ASXL3: variants seen among roughly 807,000 people sequenced by gnomAD.
The protein encoded by ASXL3 is putative Polycomb group protein ASXL3.
In ASXL3, 34 loss-of-function variants were observed where a neutral mutation model predicts 170.6. The observed-to-expected ratio is 0.20, with a 90% CI of 0.15 to 0.27. The LOEUF (loss-of-function observed/expected upper bound fraction) is 0.27, where lower values mean the gene tolerates loss of function less well. Ranked by LOEUF, ASXL3 falls within the 10% of genes least tolerant of loss-of-function variation. The pLI, the probability that ASXL3 is intolerant of heterozygous loss-of-function variation, is 1.00. For missense variants in ASXL3, 2,592 were observed against 2,695.3 expected, an observed-to-expected ratio of 0.96 and a Z score of 0.85; for synonymous variants, 1,002 against 989.1, an observed-to-expected ratio of 1.01 and a Z score of -0.24.
intron 2 of ASXL3, among the ~76,000 whole-genome samples, chr18:33,617,220 A>C (rs2065438257): frequency 6.6e-6 from 1 of 152,132 alleles, no homozygotes; most frequent in African/African-American, 2.4e-5. Context: ...GACTGGGTGC[A>C]GTGGCTCACA....
chr18:33,660,135 A>G (rs1773500509), intron 4 of ASXL3, among the ~76,000 whole-genome samples: 1 of 152,126 alleles, frequency 6.6e-6, no homozygotes, highest in Admixed American at 6.6e-5. Flanking sequence ...CATTGGCCCT[A>G]TGACCATGGG....
chr18:33,665,122 G>C (rs1013566595), intron 5 of ASXL3, among the ~76,000 whole-genome samples: 1 of 152,046 alleles, frequency 6.6e-6, no homozygotes, highest in African/African-American at 2.4e-5. Flanking sequence ...TTAAATTTTG[G>C]AAATTTTAAA....
rs1432459460 is a variant in ASXL3 at position 33,743,392 on chromosome 18, C to G, written c.3544C>G (p.Leu1182Val). The G allele has an allele frequency of 6.2e-7, 1 of 1,613,216 alleles. No individual in the cohort carries two copies. Among genetic ancestry groups the G allele is most frequent in the Non-Finnish European group, 8.5e-7 (1 of 1,179,862 alleles). ...CCACCTCCGGGAGACCACCACTGTA[C>G]TACAGCAGTCTCTTAACCCAAGTAA... ...SAHLRETTTV[L>V]QQSLNPSKLP... Residue 1182 changes from leucine (L) to valine (V), a missense_variant, in exon 12 of 12, where the codon CTA becomes GTA. Coordinates refer to ENST00000269197, the MANE Select transcript of ASXL3 (RefSeq NM_030632.3).
In ASXL3 at chr18:33,683,522, A is replaced by T; in HGVS notation, c.833A>T (p.His278Leu). The change falls in exon 8 of 12, where the codon CAT (histidine) becomes CTT (leucine). Residue 278 changes from histidine to leucine, a missense_variant. His to Leu is a moderately conservative substitution (Grantham distance 99). Coordinates refer to ENST00000269197, the MANE Select transcript of ASXL3 (RefSeq NM_030632.3). ...CATACGTTTGCTTCCTTACCTCAGCATTTTCAACAATACCTCCTGCTTTTG... is the reference window on the plus strand; with the variant it reads ...CATACGTTTGCTTCCTTACCTCAGCTTTTTCAACAATACCTCCTGCTTTTG... ...NKHTFASLPQ[H>L]FQQYLLLLLP... 1 of 1,613,550 alleles carries T rather than the reference A, an allele frequency of 6.2e-7. No individual in the cohort carries two copies. The highest frequency in any genetic ancestry group is 8.5e-7 in the Non-Finnish European group (1 of 1,179,694).
At chr18:33,719,153 G>T (rs1357492061) in intron 8 of ASXL3, among the ~76,000 whole-genome samples, 3 of 151,968 alleles carry the variant, frequency 2.0e-5, no homozygotes, top group African/African-American at 4.8e-5. Flanking sequence ...CAATCTTGAT[G>T]CCACACAGTC....
chr18:33,715,340 T>C (rs1464911261), intron 8 of ASXL3, among the ~76,000 whole-genome samples: 2 of 152,212 alleles, frequency 1.3e-5, no homozygotes, highest in East Asian at 3.9e-4. Context: ...TTCTTTACAC[T>C]CTAAAGCCAA....
intron 1 of ASXL3, among the ~76,000 whole-genome samples, chr18:33,596,152 G>T (rs912608530): frequency 1.3e-5 from 2 of 151,908 alleles, no homozygotes; most frequent in Admixed American, 1.3e-4. Context: ...CTAGAAACAG[G>T]GTAGGCAGCG....
At chr18:33,713,009 G>T (rs2067093787) in intron 8 of ASXL3, among the ~76,000 whole-genome samples, 1 of 151,922 alleles carries the variant, frequency 6.6e-6, no homozygotes, top group African/African-American at 2.4e-5. Flanking sequence ...TAAATGACTG[G>T]CTATACACTA....
At chr18:33,604,900 G>A (rs183597633) in intron 1 of ASXL3, among the ~76,000 whole-genome samples, 94 of 152,064 alleles carry the variant, frequency 6.2e-4, no homozygotes, top group African/African-American at 2.2e-3. Flanking sequence ...ACTGTGGGGA[G>A]GAGGGGGCAG....
chr18:33,743,241 T>C lies in ASXL3; in HGVS notation c.3393T>C (p.Pro1131=), dbSNP rs895569374. The C allele has an allele frequency of 1.2e-6, 2 of 1,613,942 alleles. No individual in the cohort carries two copies. The highest frequency in any genetic ancestry group is 2.2e-5 in the East Asian group (1 of 44,880). ...CCTCTAAAGAGACCCGGTTGCCTCC[T>C]CCGCTCAGCTCAAAGGAAGGGCCTC... The part of the protein sequence containing the change: ...FQTSKETRLP[P]PLSSKEGPPN... The change falls in exon 12 of 12, where the codon CCT becomes CCC. Residue 1131 remains proline, a synonymous_variant. Coordinates refer to ENST00000269197, the MANE Select transcript of ASXL3 (RefSeq NM_030632.3).
rs1156369080 is a variant in ASXL3, at chr18:33,738,639, C to T, written c.1235C>T (p.Ala412Val). Reference sequence around the variant, plus strand: ...CAGCCAAAAAGCATGAAAAGCCCAGCTTCTCCAGAGCCTGGTTTCTGTGCT... The same window carrying T: ...CAGCCAAAAAGCATGAAAAGCCCAGTTTCTCCAGAGCCTGGTTTCTGTGCT... The part of the protein sequence containing the change: ...EQQPKSMKSP[A>V]SPEPGFCATL... The change falls in exon 11 of 12, where the codon GCT becomes GTT. Residue 412 changes from alanine (A) to valine (V), a missense_variant. This residue lies in a region of ASXL3 where 2,246 missense variants were observed against 2,219.6 expected (regional missense o/e 1.01). Transcript: ENST00000269197. 6.2e-7 allele frequency: 1 copy of T among 1,613,940 alleles called. No homozygotes were observed. The highest frequency in any genetic ancestry group is 8.5e-7 in the Non-Finnish European group (1 of 1,179,870).
intron 1 of ASXL3, among the ~76,000 whole-genome samples, chr18:33,584,264 G>T (rs542239148): frequency 4.0e-5 from 6 of 151,892 alleles, no homozygotes; most frequent in South Asian, 2.1e-4. Context: ...AGAAGACTTG[G>T]GGGGGCATAG....
At chr18:33,588,844 T>C (rs1419371241) in intron 1 of ASXL3, among the ~76,000 whole-genome samples, 5 of 152,146 alleles carry the variant, frequency 3.3e-5, no homozygotes, top group Non-Finnish European at 7.4e-5. Context: ...AGTCTTCTCC[T>C]CCTTTCTTTC....
At chr18:33,631,058 A>G (rs569018407) in intron 2 of ASXL3, among the ~76,000 whole-genome samples, 76 of 152,058 alleles carry the variant, frequency 5.0e-4, no homozygotes, top group Non-Finnish European at 9.4e-4. Context: ...GAAATAAACC[A>G]CAAAGGAAAA....
chr18:33,651,268 G>T (rs2145211086), intron 4 of ASXL3, among the ~76,000 whole-genome samples: 1 of 152,222 alleles, frequency 6.6e-6, no homozygotes, highest in East Asian at 1.9e-4. Flanking sequence ...AACTGCTTTA[G>T]GTGATTTCCT....
intron 8 of ASXL3, among the ~76,000 whole-genome samples, chr18:33,702,099 C>G (rs1260943577): frequency 1.3e-5 from 2 of 152,142 alleles, no homozygotes; most frequent in Non-Finnish European, 1.5e-5. Flanking sequence ...TGGTGAGACA[C>G]TGTCATTATA....
intron 7 of ASXL3, among the ~76,000 whole-genome samples, chr18:33,679,144 A>G (rs2145274781): frequency 6.6e-6 from 1 of 152,264 alleles, no homozygotes; most frequent in East Asian, 1.9e-4. Context: ...TCAATAAATG[A>G]CCTCAACTCT....
Position 33,597,806 on chromosome 18 carries a change from A to AG in ASXL3, c.55-9788_55-9787insG, listed in dbSNP as rs1491163732. Among the ~76,000 whole-genome samples, 7 of 143,930 alleles carry AG rather than the reference A, an allele frequency of 4.9e-5. No homozygotes were observed. The East Asian group carries it at 6.0e-4, about 12-fold the overall frequency. The allele number at this position is 143,930 out of a possible 152,430, so 94.4% of individuals were successfully genotyped here. On this transcript the variant is annotated intron_variant, in intron 1 of 11. Coordinates refer to ENST00000269197, the MANE Select transcript of ASXL3 (RefSeq NM_030632.3). ...TTCTCTCATCTACAAAAAAAAAAAA[A>AG]CAAAAAAAACAAAAAACAAACAAAA...
At chr18:33,578,723 C>T in intron 1 of ASXL3, 38 bp downstream of exon 1, 1 of 1,155,442 alleles carries the variant, frequency 8.7e-7, no homozygotes. Context: ...GCGCCTCCCG[C>T]CGGCCCCGCC....
Sources: gnomAD v4.1 joint callset for allele counts (sites outside exome capture counted in the v4.1 genomes callset) on GRCh38, gnomAD v4.1.1 for gene constraint, gnomAD v4.1.1 regional missense constraint, MANE v1.5 for transcripts, NCBI Gene and HGNC (gene_info 2026-07-23, HGNC 2026-07-21) for gene names.